PTPN12: variants seen among roughly 807,000 people sequenced by gnomAD.
PTPN12 encodes tyrosine-protein phosphatase non-receptor type 12.
PTPN12 carries 29 observed loss-of-function variants against 97.6 expected under a neutral mutation model. The ratio of observed to expected loss-of-function variants is 0.30; its 90% CI spans 0.22 to 0.41. The LOEUF is 0.41. Ranked by LOEUF, PTPN12 falls within the 10% of genes least tolerant of loss-of-function variation. The probability of loss-of-function intolerance (pLI) is 1.00; values close to 1 mark genes in which losing one functional copy is unlikely to be tolerated. For missense variants in PTPN12, 819 were observed against 926.0 expected, an observed-to-expected ratio of 0.88 and a Z score of 1.50; for synonymous variants, 327 against 300.4, an observed-to-expected ratio of 1.09 and a Z score of -0.91.
At chr7:77,596,978 G>T (rs564038287) in intron 6 of PTPN12, among the ~76,000 whole-genome samples, 6 of 119,018 alleles carry the variant, frequency 5.0e-5, no homozygotes, top group African/African-American at 1.6e-4. Flanking sequence ...CACCATTGTG[G>T]TATCATACAG....
chr7:77,598,231 GT>G (rs1455487853), intron 7 of PTPN12, among the ~76,000 whole-genome samples: 2 of 146,570 alleles, frequency 1.4e-5, no homozygotes, highest in Non-Finnish European at 3.0e-5. Context: ...ATAGAGAATA[GT>G]TTTCAAAGAG....
At chr7:77,634,918 C>T (rs1010441976) in intron 14 of PTPN12, among the ~76,000 whole-genome samples, 1 of 152,006 alleles carries the variant, frequency 6.6e-6, no homozygotes, top group Non-Finnish European at 1.5e-5. Context: ...CTCTGTCACT[C>T]AGGCTGGAGT....
At chr7:77,626,249 C>T (rs1357121563) in intron 12 of PTPN12, among the ~76,000 whole-genome samples, 1 of 152,116 alleles carries the variant, frequency 6.6e-6, no homozygotes, top group Non-Finnish European at 1.5e-5. Flanking sequence ...ATCATGGTGT[C>T]ATAGATGGGA....
At chr7:77,632,504 T>C in intron 14 of PTPN12, 79 bp downstream of exon 14, 4 of 1,041,526 alleles carry the variant, frequency 3.8e-6, no homozygotes, top group Non-Finnish European at 6.0e-6. Context: ...TTTAATCTAT[T>C]AGCTATTGTG....
intron 12 of PTPN12, among the ~76,000 whole-genome samples, chr7:77,623,570 G>A (rs1401509611): frequency 3.9e-5 from 6 of 152,342 alleles, no homozygotes; most frequent in African/African-American, 1.2e-4. Context: ...CATTAGCCGG[G>A]CGTCATGGCG....
intron 9 of PTPN12, among the ~76,000 whole-genome samples, chr7:77,610,199 A>C (rs998568235): frequency 6.6e-6 from 1 of 152,198 alleles, no homozygotes; most frequent in African/African-American, 2.4e-5. Context: ...CTTGGAGCCA[A>C]AGGATCTATA....
chr7:77,586,183 A>C (rs1329761139), intron 5 of PTPN12, among the ~76,000 whole-genome samples: 1 of 152,176 alleles, frequency 6.6e-6, no homozygotes, highest in Non-Finnish European at 1.5e-5. Context: ...CGAACTCCTG[A>C]CCTCAGGTGT....
At chr7:77,566,386 G>T (rs1808257020) in intron 1 of PTPN12, among the ~76,000 whole-genome samples, 1 of 152,120 alleles carries the variant, frequency 6.6e-6, no homozygotes. Context: ...AGTAATAAAG[G>T]AGTGCAGTTA....
At chr7:77,564,485 G>A (rs1808141026) in intron 1 of PTPN12, among the ~76,000 whole-genome samples, 1 of 151,994 alleles carries the variant, frequency 6.6e-6, no homozygotes, top group Admixed American at 6.6e-5. Flanking sequence ...TCCCAAACCT[G>A]CTACCGTTTA....
intron 12 of PTPN12, among the ~76,000 whole-genome samples, chr7:77,623,653 G>T (rs898677149): frequency 2.6e-5 from 4 of 152,216 alleles, no homozygotes; most frequent in Admixed American, 1.3e-4. Flanking sequence ...GGCGGAGGTT[G>T]CAGTAAGCTG....
At chr7:77,560,705 C>T (rs1807959160) in intron 1 of PTPN12, among the ~76,000 whole-genome samples, 1 of 152,080 alleles carries the variant, frequency 6.6e-6, no homozygotes, top group African/African-American at 2.4e-5. Flanking sequence ...CAGGGTTCAT[C>T]CATGTTGTAG....
In PTPN12 at chr7:77,618,535, C is replaced by G. The variant is rs1788830027; in HGVS notation, c.995C>G (p.Ser332Cys). Residue 332 changes from serine to cysteine, a missense_variant, in exon 12 of 18, where the codon TCT (serine) becomes TGT (cysteine). Ser to Cys is a moderately radical substitution (Grantham distance 112). Around this residue, in one of 5 missense-constraint regions of PTPN12, gnomAD observed 607 missense variants for 577.3 expected, o/e 1.05. Transcript: ENST00000248594. Reference sequence around the variant, plus strand: ...TCCATAGAGCCTGAAAAACAAGATTCTCCTCCTCCAAAACCACCAAGGACC... The same window carrying G: ...TCCATAGAGCCTGAAAAACAAGATTGTCCTCCTCCAAAACCACCAAGGACC... The part of the protein sequence containing the change: ...VSSIEPEKQD[S>C]PPPKPPRTRS... 1 of 1,608,900 alleles carries G rather than the reference C, an allele frequency of 6.2e-7. No homozygotes were observed. Among genetic ancestry groups the G allele is most frequent in the Non-Finnish European group, 8.5e-7 (1 of 1,176,044 alleles).
intron 8 of PTPN12, among the ~76,000 whole-genome samples, chr7:77,606,090 G>T (rs1241459175): frequency 2.0e-5 from 3 of 151,648 alleles, no homozygotes; most frequent in Admixed American, 2.0e-4. Flanking sequence ...GAATAGCTGG[G>T]ATTGCGTGTG....
At chr7:77,579,617 T>G (rs1294202562) in intron 2 of PTPN12, among the ~76,000 whole-genome samples, 1 of 152,244 alleles carries the variant, frequency 6.6e-6, no homozygotes, top group Admixed American at 6.5e-5. Context: ...TCTGTACTAT[T>G]TTTACAGTTT....
At chr7:77,575,317 CAA>C in intron 2 of PTPN12, among the ~76,000 whole-genome samples, 1 of 147,396 alleles carries the variant, frequency 6.8e-6, no homozygotes. Context: ...TAGCAAAACT[CAA>C]CACACACACG....
chr7:77,587,108 A>G (rs993039860), intron 5 of PTPN12, among the ~76,000 whole-genome samples: 2 of 152,016 alleles, frequency 1.3e-5, no homozygotes, highest in Non-Finnish European at 2.9e-5. Flanking sequence ...CGAATCATGA[A>G]TGTAATTAAT....
chr7:77,633,033 G>A (rs1789457397), intron 14 of PTPN12, among the ~76,000 whole-genome samples: 1 of 152,174 alleles, frequency 6.6e-6, no homozygotes, highest in African/African-American at 2.4e-5. Context: ...CACCTTGGGA[G>A]GCTGAGATGC....
At chr7:77,609,208 A>G (rs1028751113) in intron 9 of PTPN12, among the ~76,000 whole-genome samples, 5 of 152,010 alleles carry the variant, frequency 3.3e-5, no homozygotes, top group African/African-American at 9.7e-5. Flanking sequence ...TGACAGAGCA[A>G]GACTCCGTCT....
intron 8 of PTPN12, among the ~76,000 whole-genome samples, chr7:77,605,620 T>A (rs1788345668): frequency 6.6e-6 from 1 of 151,264 alleles, no homozygotes; most frequent in African/African-American, 2.4e-5. Flanking sequence ...AGAGACGGGG[T>A]TTCACCACGT....
Sources: gnomAD v4.1 joint callset for allele counts (sites outside exome capture counted in the v4.1 genomes callset) on GRCh38, gnomAD v4.1.1 for gene constraint, gnomAD v4.1.1 regional missense constraint, MANE v1.5 for transcripts, NCBI Gene and HGNC (gene_info 2026-07-23, HGNC 2026-07-21) for gene names.